C8orf34: variants seen among roughly 807,000 people sequenced by gnomAD.
C8orf34 encodes uncharacterized protein C8orf34.
A neutral mutation model predicts 68.3 loss-of-function variants in C8orf34; 65 were observed. The observed-to-expected ratio is 0.95, with a 90% CI of 0.78 to 1.17. The LOEUF is 1.17. Ranked by LOEUF, C8orf34 falls within the 50% of genes most tolerant of loss-of-function variation. C8orf34 has a pLI of 0.00. For missense variants in C8orf34, 664 were observed against 655.4 expected (o/e 1.01, Z -0.14); for synonymous variants, 244 against 241.2 (o/e 1.01, Z -0.11).
intron 3 of C8orf34, among the ~76,000 whole-genome samples, chr8:68,466,673 G>A (rs78706522): frequency 6.8e-4 from 101 of 148,812 alleles, no homozygotes; most frequent in Middle Eastern, 3.5e-3. Context: ...AGGGTTTTGC[G>A]GCCATGAAAT....
At chr8:68,466,719 G>T (rs1261008380) in intron 3 of C8orf34, among the ~76,000 whole-genome samples, 5 of 125,330 alleles carry the variant, frequency 4.0e-5, no homozygotes, top group African/African-American at 1.7e-4. Context: ...CACTTTCTGT[G>T]AAAATAAACA....
chr8:68,356,075 C>T (rs1177679449), intron 1 of C8orf34, among the ~76,000 whole-genome samples: 1 of 152,138 alleles, frequency 6.6e-6, no homozygotes, highest in Non-Finnish European at 1.5e-5. Flanking sequence ...CTTGTATCTT[C>T]ATGACCAGAA....
chr8:68,369,124 A>C (rs1425632984), intron 1 of C8orf34, among the ~76,000 whole-genome samples: 1 of 152,220 alleles, frequency 6.6e-6, no homozygotes, highest in Non-Finnish European at 1.5e-5. Context: ...GACAAGTAAT[A>C]AATATTTTTA....
intron 7 of C8orf34, among the ~76,000 whole-genome samples, chr8:68,626,066 A>AT (rs556396663): frequency 2.9e-4 from 44 of 152,174 alleles, no homozygotes; most frequent in Non-Finnish European, 5.0e-4. Flanking sequence ...TATTAGTTTG[A>AT]TTTTTTTGCA....
intron 5 of C8orf34, among the ~76,000 whole-genome samples, chr8:68,508,887 CAG>C (rs976536836): frequency 6.6e-6 from 1 of 152,098 alleles, no homozygotes; most frequent in East Asian, 1.9e-4. Flanking sequence ...AAGGGGGAAA[CAG>C]GGACTCTCGC....
At chr8:68,778,025 T>C (rs1007487231) in intron 11 of C8orf34, among the ~76,000 whole-genome samples, 2 of 152,192 alleles carry the variant, frequency 1.3e-5, no homozygotes, top group African/African-American at 4.8e-5. Flanking sequence ...AGCCAACAGA[T>C]GACCATTCTT....
At chr8:68,459,855 T>A (rs1475835634) in intron 3 of C8orf34, among the ~76,000 whole-genome samples, 3 of 152,030 alleles carry the variant, frequency 2.0e-5, no homozygotes, top group Admixed American at 2.0e-4. Context: ...GCTCCCAGTG[T>A]GAGTGACGCA....
intron 7 of C8orf34, among the ~76,000 whole-genome samples, chr8:68,573,440 C>T (rs1816813793): frequency 6.6e-6 from 1 of 152,168 alleles, no homozygotes; most frequent in South Asian, 2.1e-4. Flanking sequence ...CAGTCTGCAG[C>T]TTAGAGCCAG....
At chr8:68,680,876 G>A (rs1026450014) in intron 8 of C8orf34, among the ~76,000 whole-genome samples, 4 of 152,044 alleles carry the variant, frequency 2.6e-5, no homozygotes, top group Admixed American at 2.0e-4. Context: ...AGACCAGGGC[G>A]TATCTCAGTC....
In C8orf34 at chr8:68,554,621, A is replaced by G. The variant is rs183550077; in HGVS notation, c.1105+21472A>G. ...TTCATAGTTTATTAAGCATTGCTAC[A>G]GGTTAAGCCACCATAGTAAGTGTTT... On this transcript the variant is annotated intron_variant, in intron 7 of 13. Transcript: ENST00000518698. Among the ~76,000 whole-genome samples the G allele has an allele frequency of 3.3e-5, 5 of 152,284 alleles. No individual in the cohort carries two copies. In the East Asian group the frequency reaches 9.7e-4, roughly 29 times the overall value.
intron 3 of C8orf34, among the ~76,000 whole-genome samples, chr8:68,461,770 C>T (rs1357659644): frequency 1.3e-5 from 2 of 152,112 alleles, no homozygotes; most frequent in African/African-American, 4.8e-5. Context: ...CAGGCCTGCC[C>T]TACAAGAGCT....
intron 1 of C8orf34, among the ~76,000 whole-genome samples, chr8:68,351,961 C>G (rs1462867662): frequency 1.3e-5 from 2 of 152,020 alleles, no homozygotes; most frequent in Non-Finnish European, 2.9e-5. Context: ...TGTTGAACAT[C>G]TTTTCATCTG....
intron 7 of C8orf34, among the ~76,000 whole-genome samples, chr8:68,617,838 C>A (rs2130611710): frequency 6.6e-6 from 1 of 152,238 alleles, no homozygotes; most frequent in East Asian, 1.9e-4. Context: ...GCCTGCCTTG[C>A]TAGATTGGGG....
At position 68,421,768 on chromosome 8, in the gene C8orf34, C is replaced by T. The variant is rs565399312; in HGVS notation, c.328-17731C>T. ...CCTGTTGTATTGGTCTGTTCTCATA[C>T]TGCTATGAAGAAATACATGAGACTG... On this transcript the variant is annotated intron_variant, in intron 1 of 13. Transcript: ENST00000518698. Among the ~76,000 whole-genome samples the T allele has an allele frequency of 3.9e-5, 6 of 152,260 alleles. No individual in the cohort carries two copies. The East Asian group carries it at 1.2e-3, about 29-fold the overall frequency.
intron 7 of C8orf34, among the ~76,000 whole-genome samples, chr8:68,593,588 G>A (rs901100628): frequency 6.6e-6 from 1 of 151,860 alleles, no homozygotes; most frequent in Non-Finnish European, 1.5e-5. Flanking sequence ...TTCACTGGTG[G>A]TGTATATTTG....
At chr8:68,553,780 A>G (rs911593982) in intron 7 of C8orf34, among the ~76,000 whole-genome samples, 1 of 152,078 alleles carries the variant, frequency 6.6e-6, no homozygotes, top group Non-Finnish European at 1.5e-5. Flanking sequence ...ACTTTTGTCA[A>G]TATTTCAAAG....
rs150967781 is a variant in C8orf34, at chr8:68,624,132, C to T, written c.1106-16244C>T. On this transcript the variant is annotated intron_variant, in intron 7 of 13. Transcript: ENST00000518698. ...CTAAAGATGCAAAAAATTAGCTGGG[C>T]GTGGTGGTGCACGCCTGTAATCCCA... 2.4e-3 allele frequency among the ~76,000 whole-genome samples: 367 copies of T among 151,792 alleles called. 3 individuals carry two copies. Among genetic ancestry groups the T allele is most frequent in the Non-Finnish European group, 2.2e-3 (150 of 67,926 alleles).
intron 7 of C8orf34, among the ~76,000 whole-genome samples, chr8:68,569,920 A>G (rs900632351): frequency 6.6e-6 from 1 of 152,214 alleles, no homozygotes; most frequent in Non-Finnish European, 1.5e-5. Context: ...GAACTGCTAG[A>G]AAAGAAAAAG....
chr8:68,757,458 C>T (rs112279943), intron 10 of C8orf34, among the ~76,000 whole-genome samples: 137 of 152,102 alleles, frequency 9.0e-4, no homozygotes, highest in Admixed American at 3.4e-3. Context: ...GGTGAAACCC[C>T]GTCTCTACTA....
Sources: gnomAD v4.1 joint callset for allele counts (sites outside exome capture counted in the v4.1 genomes callset) on GRCh38, gnomAD v4.1.1 for gene constraint, MANE v1.5 for transcripts, NCBI Gene and HGNC (gene_info 2026-07-23, HGNC 2026-07-21) for gene names.